The following MACROD2 variants were observed in gnomAD, a reference collection of about 807,000 sequenced individuals.
MACROD2 encodes ADP-ribose glycohydrolase MACROD2.
In MACROD2, 36 loss-of-function variants were observed where a neutral mutation model predicts 70.4. The observed-to-expected ratio is 0.51, with a 90% CI of 0.39 to 0.68. The LOEUF (loss-of-function observed/expected upper bound fraction) is 0.68. Ranked by LOEUF, MACROD2 falls within the 30% of genes least tolerant of loss-of-function variation. MACROD2 has a pLI of 0.00. For missense variants in MACROD2, 496 were observed against 538.4 expected, an observed-to-expected ratio of 0.92 and a Z score of 0.78; for synonymous variants, 172 against 178.8, an observed-to-expected ratio of 0.96 and a Z score of 0.30.
chr20:15,173,154 A>T (rs1479146432), intron 5 of MACROD2, among the ~76,000 whole-genome samples: 1 of 152,158 alleles, frequency 6.6e-6, no homozygotes, highest in East Asian at 1.9e-4. Context: ...ATGAAAATTA[A>T]TTTAACCCTA....
intron 3 of MACROD2, among the ~76,000 whole-genome samples, chr20:14,320,695 T>C (rs1332193732): frequency 7.1e-6 from 1 of 139,896 alleles, no homozygotes; most frequent in Admixed American, 7.7e-5. Context: ...TTTTGAAATG[T>C]ACATGCCTAG....
At chr20:15,974,845 A>T (rs556999049) in intron 13 of MACROD2, among the ~76,000 whole-genome samples, 1 of 152,330 alleles carries the variant, frequency 6.6e-6, no homozygotes, top group Admixed American at 6.5e-5. Context: ...ATGTTATGAA[A>T]TGCAGGCATA....
rs144881269 is a variant in MACROD2 at position 15,414,857 on chromosome 20, C to A, written c.541-16548C>A. Among the ~76,000 whole-genome samples, 208 of 152,332 alleles carry A rather than the reference C, an allele frequency of 1.4e-3. 1 individual carries two copies. The highest frequency in any genetic ancestry group is 4.8e-3 in the African/African-American group (199 of 41,574). On this transcript the variant is annotated intron_variant, in intron 6 of 17. Transcript: ENST00000684519. ...AGTAACATTAGCATCACCTGGGACCCTGTTAGAAACATAATTTCAGCCTGC... is the reference window on the plus strand; with the variant it reads ...AGTAACATTAGCATCACCTGGGACCATGTTAGAAACATAATTTCAGCCTGC...
At chr20:15,747,750 A>G (rs907621656) in intron 8 of MACROD2, among the ~76,000 whole-genome samples, 2 of 152,058 alleles carry the variant, frequency 1.3e-5, no homozygotes, top group Non-Finnish European at 2.9e-5. Flanking sequence ...GAGCAAAGAC[A>G]GCTTTATTTC....
intron 8 of MACROD2, among the ~76,000 whole-genome samples, chr20:15,526,788 G>C (rs914084146): frequency 1.5e-4 from 23 of 152,166 alleles, no homozygotes; most frequent in Admixed American, 5.9e-4. Context: ...TGGTTGATCT[G>C]GGCATTAAAA....
At chr20:15,817,579 C>T (rs188198057) in intron 8 of MACROD2, among the ~76,000 whole-genome samples, 1 of 152,280 alleles carries the variant, frequency 6.6e-6, no homozygotes, top group African/African-American at 2.4e-5. Context: ...GTTCACCATG[C>T]CCGATATCTT....
rs142332870 is a variant in MACROD2 at position 15,526,095 on chromosome 20, G to A, written c.645+26248G>A. Among the ~76,000 whole-genome samples the A allele has an allele frequency of 1.0e-3, 155 of 152,210 alleles. 3 individuals carry two copies. In the East Asian group the frequency reaches 0.024, roughly 23 times the overall value. ...TTATTTCAGAAAAGGAAGGATGTACGGCATTACTGTAAGCTCCACAAAGGC... is the reference window on the plus strand; with the variant it reads ...TTATTTCAGAAAAGGAAGGATGTACAGCATTACTGTAAGCTCCACAAAGGC... On this transcript the variant is annotated intron_variant, in intron 8 of 17. Transcript: ENST00000684519.
intron 8 of MACROD2, among the ~76,000 whole-genome samples, chr20:15,687,492 A>G (rs931156483): frequency 1.4e-5 from 2 of 146,198 alleles, no homozygotes; most frequent in African/African-American, 5.5e-5. Flanking sequence ...CTATTCTGAC[A>G]TTGGTTGTCC....
chr20:14,509,921 CAT>C (rs1448413765), intron 4 of MACROD2, among the ~76,000 whole-genome samples: 2 of 151,808 alleles, frequency 1.3e-5, no homozygotes, highest in Admixed American at 6.6e-5. Flanking sequence ...GTAAAGGTAA[CAT>C]ATTTATGTTT....
intron 8 of MACROD2, among the ~76,000 whole-genome samples, chr20:15,622,896 G>A (rs930037446): frequency 6.6e-6 from 1 of 152,176 alleles, no homozygotes; most frequent in Non-Finnish European, 1.5e-5. Context: ...AGGTATGTAT[G>A]TATGGGAATA....
At chr20:15,801,502 A>G (rs912871641) in intron 8 of MACROD2, among the ~76,000 whole-genome samples, 18 of 151,608 alleles carry the variant, frequency 1.2e-4, no homozygotes, top group Non-Finnish European at 2.4e-4. Flanking sequence ...AAAGAAAATC[A>G]GTTGGCTGAA....
chr20:14,026,779 T>G (rs1228817412), intron 2 of MACROD2, among the ~76,000 whole-genome samples: 1 of 152,194 alleles, frequency 6.6e-6, no homozygotes, highest in Non-Finnish European at 1.5e-5. Flanking sequence ...CCTTAACATT[T>G]TTTCATTCAT....
intron 8 of MACROD2, among the ~76,000 whole-genome samples, chr20:15,841,229 C>T (rs993756040): frequency 1.3e-5 from 2 of 152,222 alleles, no homozygotes; most frequent in African/African-American, 2.4e-5. Context: ...GATCAAGGGC[C>T]GTGGCCAAGG....
At chr20:14,068,942 T>TTTTTG (rs746621758) in intron 2 of MACROD2, among the ~76,000 whole-genome samples, 57 of 152,258 alleles carry the variant, frequency 3.7e-4, no homozygotes, top group Non-Finnish European at 5.7e-4. Context: ...AAATGGCTTT[T>TTTTTG]TTTTGTTTTG....
chr20:15,972,172 G>A (rs1365494307), intron 13 of MACROD2, among the ~76,000 whole-genome samples: 2 of 151,532 alleles, frequency 1.3e-5, no homozygotes, highest in Non-Finnish European at 2.9e-5. Flanking sequence ...CTATCCAAAT[G>A]AAAACAGAAT....
chr20:14,283,075 G>T (rs2082318992), intron 3 of MACROD2, among the ~76,000 whole-genome samples: 1 of 152,126 alleles, frequency 6.6e-6, no homozygotes, highest in Non-Finnish European at 1.5e-5. Context: ...TGGGAAGAGT[G>T]GCAAATAATT....
At chr20:15,689,948 T>G (rs1799294402) in intron 8 of MACROD2, among the ~76,000 whole-genome samples, 1 of 152,192 alleles carries the variant, frequency 6.6e-6, no homozygotes, top group Non-Finnish European at 1.5e-5. Context: ...GCACAGCCCC[T>G]CCATTCACCA....
intron 8 of MACROD2, among the ~76,000 whole-genome samples, chr20:15,712,671 T>G (rs2050645367): frequency 6.6e-6 from 1 of 152,130 alleles, no homozygotes; most frequent in Non-Finnish European, 1.5e-5. Context: ...TCCATTGCCA[T>G]TTCTCCCTCT....
intron 8 of MACROD2, among the ~76,000 whole-genome samples, chr20:15,830,039 G>A (rs964818597): frequency 6.6e-6 from 1 of 152,158 alleles, no homozygotes; most frequent in Non-Finnish European, 1.5e-5. Context: ...AACGGAGGAC[G>A]GGTTTGAGGG....
Sources: gnomAD v4.1 joint callset for allele counts (sites outside exome capture counted in the v4.1 genomes callset) on GRCh38, gnomAD v4.1.1 for gene constraint, MANE v1.5 for transcripts, NCBI Gene and HGNC (gene_info 2026-07-23, HGNC 2026-07-21) for gene names.